SLC4A4: variants seen among roughly 807,000 people sequenced by gnomAD.
SLC4A4 encodes solute carrier family 4 member 4.
In SLC4A4, 27 loss-of-function variants were observed where a neutral mutation model predicts 111.5. The observed-to-expected ratio is 0.24, with a 90% CI of 0.18 to 0.33. The LOEUF is 0.33. Ranked by LOEUF, SLC4A4 falls within the 10% of genes least tolerant of loss-of-function variation. The pLI is 1.00. For missense variants in SLC4A4, 909 were observed against 1,315.5 expected (o/e 0.69, Z 4.78); for synonymous variants, 443 against 463.4 (o/e 0.96, Z 0.57).
chr4:71,514,894 C>G (rs865852954), intron 16 of SLC4A4, among the ~76,000 whole-genome samples: 1 of 151,938 alleles, frequency 6.6e-6, no homozygotes. Flanking sequence ...CTTGTTTAGT[C>G]TAGCTAGCAG....
At chr4:71,291,830 TATTA>T (rs1225348555) in intron 3 of SLC4A4, among the ~76,000 whole-genome samples, 1 of 152,242 alleles carries the variant, frequency 6.6e-6, no homozygotes, top group Non-Finnish European at 1.5e-5. Context: ...TATATTACTT[TATTA>T]TCAAATTGTG....
At chr4:71,481,836 CGATCAACCTGTG>C (rs1252426046) in intron 14 of SLC4A4, among the ~76,000 whole-genome samples, 2 of 151,716 alleles carry the variant, frequency 1.3e-5, no homozygotes, top group South Asian at 2.1e-4. Context: ...GTATGGAAAA[CGATCAACCTGTG>C]GAAGCTCTCT....
At chr4:71,457,753 C>T (rs1418080659) in intron 12 of SLC4A4, among the ~76,000 whole-genome samples, 1 of 152,086 alleles carries the variant, frequency 6.6e-6, no homozygotes, top group African/African-American at 2.4e-5. Context: ...CAACTCACTA[C>T]ATTATTGCAG....
intron 2 of SLC4A4, among the ~76,000 whole-genome samples, chr4:71,174,560 T>C (rs958180066): frequency 6.6e-6 from 1 of 152,126 alleles, no homozygotes; most frequent in African/African-American, 2.4e-5. Context: ...CACACCATTT[T>C]TTAATACAGT....
chr4:71,325,047 T>C (rs1727401725), intron 3 of SLC4A4, among the ~76,000 whole-genome samples: 1 of 152,004 alleles, frequency 6.6e-6, no homozygotes, highest in South Asian at 2.1e-4. Context: ...AATTATCTAT[T>C]TTAATGAATA....
At chr4:71,510,027 C>G (rs1281930642) in intron 16 of SLC4A4, among the ~76,000 whole-genome samples, 1 of 152,076 alleles carries the variant, frequency 6.6e-6, no homozygotes, top group Non-Finnish European at 1.5e-5. Flanking sequence ...AGAGTATATA[C>G]AACCTGAGCT....
intron 14 of SLC4A4, among the ~76,000 whole-genome samples, chr4:71,475,547 G>A (rs142851921): frequency 6.6e-6 from 1 of 151,930 alleles, no homozygotes; most frequent in African/African-American, 2.4e-5. Flanking sequence ...TAAGTAACTA[G>A]GAAGTTGTCC....
At chr4:71,496,786 T>A (rs10018274) in intron 15 of SLC4A4, among the ~76,000 whole-genome samples, 20,060 of 152,016 alleles carry the variant, frequency 0.13, 1,679 homozygotes, top group South Asian at 0.29. Context: ...ACTGACCATA[T>A]GTTTGAGGCC....
At chr4:71,292,964 C>T (rs1724488945) in intron 3 of SLC4A4, among the ~76,000 whole-genome samples, 2 of 149,996 alleles carry the variant, frequency 1.3e-5, no homozygotes, top group South Asian at 4.2e-4. Flanking sequence ...GCCTCAGCCT[C>T]CCAAGTAGCT....
chr4:71,181,834 C>T (rs994219846), intron 2 of SLC4A4, among the ~76,000 whole-genome samples: 1 of 152,152 alleles, frequency 6.6e-6, no homozygotes, highest in African/African-American at 2.4e-5. Context: ...CTGTCCCTTG[C>T]CCTGTCAACT....
intron 7 of SLC4A4, among the ~76,000 whole-genome samples, chr4:71,424,103 G>A (rs1722839469): frequency 1.3e-5 from 2 of 152,016 alleles, no homozygotes; most frequent in South Asian, 4.2e-4. Flanking sequence ...CTGACAAAGG[G>A]CTAATATCCA....
At chr4:71,125,685 T>C (rs1057176130) in intron 2 of SLC4A4, among the ~76,000 whole-genome samples, 9 of 152,232 alleles carry the variant, frequency 5.9e-5, no homozygotes, top group Admixed American at 3.3e-4. Flanking sequence ...AGGCATGTAT[T>C]GTGCTGGAGA....
At chr4:71,168,038 C>T (rs554162646) in intron 2 of SLC4A4, among the ~76,000 whole-genome samples, 1 of 151,558 alleles carries the variant, frequency 6.6e-6, no homozygotes, top group East Asian at 1.9e-4. Flanking sequence ...TTTGTGAATA[C>T]ATAGTAGGTG....
At chr4:71,270,342 G>A (rs999833374) in intron 3 of SLC4A4, among the ~76,000 whole-genome samples, 34 of 152,144 alleles carry the variant, frequency 2.2e-4, no homozygotes, top group African/African-American at 3.4e-4. Flanking sequence ...CGCCCGCCTC[G>A]GCCTCCCAAA....
At position 71,571,060 on chromosome 4, in the gene SLC4A4, CCATA is replaced by C. The variant is rs1434736742; in HGVS notation, c.*3312_*3315del. On this transcript the variant is annotated 3_prime_UTR_variant, in exon 26 of 26. Transcript: ENST00000264485. ...GTGTATTTTATGCTCATGCACCAAC[CCATA>C]CAGAGTAAATCTTTTATCAACTGTA... The C allele has an allele frequency of 2.0e-5, 3 of 152,198 alleles. No individual in the cohort carries two copies. The highest frequency in any genetic ancestry group is 1.3e-4 in the Admixed American group (2 of 15,182). 9.4% of individuals were successfully genotyped at this position (152,198 alleles called of 1,614,324 possible).
chr4:71,461,800 G>GC (rs2149092401), intron 12 of SLC4A4, among the ~76,000 whole-genome samples: 1 of 152,216 alleles, frequency 6.6e-6, no homozygotes, highest in South Asian at 2.1e-4. Flanking sequence ...CCTAATACAA[G>GC]CTGAAAAATA....
chr4:71,443,116 C>CTCTCTCTCTCTA (rs1198759861), intron 8 of SLC4A4, among the ~76,000 whole-genome samples: 36 of 65,652 alleles, frequency 5.5e-4, no homozygotes, highest in East Asian at 2.2e-3. Context: ...CTCTCTCTCT[C>CTCTCTCTCTCTA]TATATATATA....
intron 6 of SLC4A4, among the ~76,000 whole-genome samples, chr4:71,388,969 C>A (rs73828134): frequency 0.033 from 5,021 of 152,102 alleles, 200 homozygotes; most frequent in East Asian, 0.15. Context: ...GAATTAGAAG[C>A]GGTGAAATTT....
chr4:71,194,639 C>G (rs1179907268), intron 1 of SLC4A4, among the ~76,000 whole-genome samples: 2 of 152,114 alleles, frequency 1.3e-5, no homozygotes, highest in Admixed American at 6.6e-5. Flanking sequence ...CTTGGAGAAC[C>G]CTTGAAAATG....
Sources: gnomAD v4.1 joint callset for allele counts (sites outside exome capture counted in the v4.1 genomes callset) on GRCh38, gnomAD v4.1.1 for gene constraint, MANE v1.5 for transcripts, NCBI Gene and HGNC (gene_info 2026-07-23, HGNC 2026-07-21) for gene names.